The following CCDC149 variants were observed in gnomAD, a reference collection of about 807,000 sequenced individuals.
CCDC149 encodes coiled-coil domain-containing protein 149.
A neutral mutation model predicts 59.9 loss-of-function variants in CCDC149; 45 were observed. The observed-to-expected ratio is 0.75, with a 90% CI of 0.59 to 0.96. The LOEUF (loss-of-function observed/expected upper bound fraction) is 0.96. Ranked by LOEUF, CCDC149 falls within the 40% of genes least tolerant of loss-of-function variation. The pLI, the probability that CCDC149 is intolerant of heterozygous loss-of-function variation, is 0.00. For missense variants in CCDC149, 584 were observed against 664.7 expected, an observed-to-expected ratio of 0.88 and a Z score of 1.33; for synonymous variants, 245 against 260.6, an observed-to-expected ratio of 0.94 and a Z score of 0.58.
chr4:24,969,852 T>C (rs1197546273), intron 1 of CCDC149, among the ~76,000 whole-genome samples: 1 of 152,218 alleles, frequency 6.6e-6, no homozygotes, highest in African/African-American at 2.4e-5. Context: ...TGTAGCTCCC[T>C]TGGGGGAGGG....
chr4:24,904,190 T>C (rs146784796), intron 1 of CCDC149, among the ~76,000 whole-genome samples: 27 of 152,336 alleles, frequency 1.8e-4, no homozygotes, highest in African/African-American at 4.3e-4. Flanking sequence ...TCAAATTGTA[T>C]ACCTAAAATA....
intron 9 of CCDC149, among the ~76,000 whole-genome samples, chr4:24,825,601 G>A (rs1381504634): frequency 2.6e-5 from 4 of 151,998 alleles, no homozygotes; most frequent in Admixed American, 6.5e-5. Flanking sequence ...GTGAAACCCC[G>A]TCTCTACTAA....
At chr4:24,858,359 G>T (rs1577417761) in intron 3 of CCDC149, among the ~76,000 whole-genome samples, 1 of 152,152 alleles carries the variant, frequency 6.6e-6, no homozygotes, top group African/African-American at 2.4e-5. Flanking sequence ...TGGGGCAAGA[G>T]GCAGCATAAA....
intron 1 of CCDC149, among the ~76,000 whole-genome samples, chr4:24,965,582 A>G (rs1014948803): frequency 6.6e-6 from 1 of 152,270 alleles, no homozygotes; most frequent in Non-Finnish European, 1.5e-5. Context: ...AGTATTTTGA[A>G]CTGAATATAA....
At chr4:24,831,824 C>G (rs1179896253) in intron 8 of CCDC149, among the ~76,000 whole-genome samples, 174 bp from the exon 9 acceptor site, 1 of 152,174 alleles carries the variant, frequency 6.6e-6, no homozygotes, top group African/African-American at 2.4e-5. Flanking sequence ...AGTGTGAGAA[C>G]TAAACAGAAA....
rs1304610963 is a variant in CCDC149 at position 24,806,129 on chromosome 4, G to A, written c.*2260C>T. The A allele has an allele frequency of 1.3e-5, 2 of 152,192 alleles. No individual in the cohort carries two copies. Among genetic ancestry groups the A allele is most frequent in the African/African-American group, 2.4e-5 (1 of 41,438 alleles). 9.4% of individuals were successfully genotyped at this position (152,192 alleles called of 1,614,324 possible). On this transcript the variant is annotated 3_prime_UTR_variant, in exon 13 of 13. Coordinates refer to ENST00000635206, the MANE Select transcript of CCDC149 (RefSeq NM_001330643.2). ...AGACAGCTGTAAGTAATTGCAGAAA[G>A]CCCCTTTAATGTCTGTGGAACAGAA...
At chr4:24,908,273 G>T (rs1721654341) in intron 1 of CCDC149, among the ~76,000 whole-genome samples, 1 of 152,122 alleles carries the variant, frequency 6.6e-6, no homozygotes, top group Non-Finnish European at 1.5e-5. Flanking sequence ...CCAAGAGAAA[G>T]GCAGGGCCAA....
chr4:24,870,047 C>T (rs983674747), intron 3 of CCDC149, among the ~76,000 whole-genome samples: 1 of 152,140 alleles, frequency 6.6e-6, no homozygotes, highest in African/African-American at 2.4e-5. Flanking sequence ...CAGAAGGAAG[C>T]TGATACTAAA....
chr4:24,833,517 AG>A (rs1716300981), intron 8 of CCDC149, among the ~76,000 whole-genome samples: 3 of 152,130 alleles, frequency 2.0e-5, no homozygotes, highest in African/African-American at 7.2e-5. Flanking sequence ...CCAGCTACTC[AG>A]GAAGCTGAGG....
chr4:24,875,199 A>G (rs896043944), intron 2 of CCDC149, among the ~76,000 whole-genome samples: 6 of 152,076 alleles, frequency 3.9e-5, no homozygotes, highest in Non-Finnish European at 7.4e-5. Context: ...GCATGGTGGC[A>G]GGCGCCTGTA....
intron 1 of CCDC149, among the ~76,000 whole-genome samples, chr4:24,905,414 CGTGTGTGTGTGT>C (rs1163234474): frequency 2.5e-5 from 2 of 78,652 alleles, no homozygotes; most frequent in Non-Finnish European, 5.4e-5. Flanking sequence ...TGCGTGCGTG[CGTGTGTGTGTGT>C]GTGTGTGTGT....
intron 1 of CCDC149, among the ~76,000 whole-genome samples, chr4:24,893,649 C>T (rs957198131): frequency 2.1e-4 from 15 of 70,412 alleles, no homozygotes; most frequent in African/African-American, 7.8e-4. Context: ...TGAAGTCTCA[C>T]TCTGTCAATC....
At chr4:24,805,156 G>C (rs948855016), downstream of CCDC149, among the ~76,000 whole-genome samples, 1 of 152,190 alleles carries the variant, frequency 6.6e-6, no homozygotes, top group South Asian at 2.1e-4. Flanking sequence ...GGCACAGAGC[G>C]ATCACAGGAG....
Position 24,808,239 on chromosome 4 carries a change from T to G in CCDC149, c.*150A>C. On this transcript the variant is annotated 3_prime_UTR_variant, in exon 13 of 13. Transcript: ENST00000635206. ...AAACTGTACTGGCATCATCAGAATA[T>G]TCACAGTTTGCAACAGGATCAGTGC... The G allele has an allele frequency of 1.7e-6, 1 of 602,978 alleles. No individual in the cohort carries two copies. Among genetic ancestry groups the G allele is most frequent in the Non-Finnish European group, 2.7e-6 (1 of 373,012 alleles). The allele number at this position is 602,978 out of a possible 1,614,324, so 37.4% of individuals were successfully genotyped here.
chr4:24,938,416 G>C (rs1490776192), intron 1 of CCDC149, among the ~76,000 whole-genome samples: 1 of 152,162 alleles, frequency 6.6e-6, no homozygotes, highest in Non-Finnish European at 1.5e-5. Context: ...AATTCTGGGG[G>C]GATGGAGCCA....
intron 1 of CCDC149, among the ~76,000 whole-genome samples, chr4:24,977,116 G>A (rs1029276008): frequency 2.6e-5 from 4 of 152,174 alleles, no homozygotes; most frequent in African/African-American, 9.7e-5. Context: ...CCTTGATACT[G>A]TGTTGCTTTC....
chr4:24,815,175 G>A (rs927768979), intron 12 of CCDC149, among the ~76,000 whole-genome samples: 11 of 152,090 alleles, frequency 7.2e-5, no homozygotes, highest in South Asian at 2.1e-4. Flanking sequence ...AATACCATTC[G>A]TTAATATATG....
chr4:24,859,498 C>T (rs137957343), intron 3 of CCDC149, among the ~76,000 whole-genome samples: 2,878 of 151,744 alleles, frequency 0.019, 101 homozygotes, highest in African/African-American at 0.066. Flanking sequence ...TTATGCTGAA[C>T]AGGGAAAAGT....
chr4:24,954,710 C>A (rs1270681694), intron 1 of CCDC149, among the ~76,000 whole-genome samples: 3 of 152,190 alleles, frequency 2.0e-5, no homozygotes, highest in African/African-American at 7.2e-5. Context: ...AGAAACAGTT[C>A]TGTCCCCAAG....
Sources: gnomAD v4.1 joint callset for allele counts (sites outside exome capture counted in the v4.1 genomes callset) on GRCh38, gnomAD v4.1.1 for gene constraint, MANE v1.5 for transcripts, NCBI Gene and HGNC (gene_info 2026-07-23, HGNC 2026-07-21) for gene names.